Variants in FBN3 observed in about 807,000 individuals in gnomAD.
FBN3 encodes the protein fibrillin-3.
In FBN3, 234 loss-of-function variants were observed where a neutral mutation model predicts 330.1. The ratio of observed to expected loss-of-function variants is 0.71; its 90% CI spans 0.64 to 0.79. FBN3 has a LOEUF of 0.79. FBN3 is among the 30% of genes least tolerant of loss of function. FBN3 has a pLI of 0.00. For synonymous variants in FBN3, 1,458 were observed against 1,517.3 expected (o/e 0.96, Z 0.91); for missense variants, 3,606 against 3,886.9 (o/e 0.93, Z 1.92).
intron 14 of FBN3, 23 bp downstream of exon 14, chr19:8,132,961 G>A (rs910008944): frequency 6.5e-7 from 1 of 1,535,628 alleles, no homozygotes; most frequent in African/African-American, 1.4e-5. Context: ...CCCCTCCGCT[G>A]GCCAGTCTGG....
At chr19:8,136,555 A>G in intron 10 of FBN3, 24 bp from the exon 11 acceptor site, 4 of 1,612,972 alleles carry the variant, frequency 2.5e-6, no homozygotes, top group Non-Finnish European at 3.4e-6. Flanking sequence ...CGGCAGAGGC[A>G]TCTGAGCAGT....
intron 63 of FBN3, among the ~76,000 whole-genome samples, chr19:8,067,025 AAAT>A (rs1318853862): frequency 6.6e-6 from 1 of 151,846 alleles, no homozygotes; most frequent in African/African-American, 2.4e-5. Context: ...CAATCTAAAA[AAAT>A]AGGATGGGCA....
intron 4 of FBN3, 34 bp downstream of exon 4, chr19:8,146,093 T>C: frequency 6.4e-7 from 1 of 1,553,032 alleles, no homozygotes; most frequent in South Asian, 1.2e-5. Context: ...TGTGAACTTC[T>C]TCTCCCTCCC....
At chr19:8,087,575 G>A (rs2081991774) in intron 53 of FBN3, among the ~76,000 whole-genome samples, 1 of 151,678 alleles carries the variant, frequency 6.6e-6, no homozygotes, top group African/African-American at 2.4e-5. Flanking sequence ...TGCGGTGGGC[G>A]GCTGTTCTGT....
At chr19:8,135,936 G>GGGGGGGGGGCGGGGCCGGC in intron 13 of FBN3, 25 bp downstream of exon 13, 1 of 668,778 alleles carries the variant, frequency 1.5e-6, no homozygotes, top group African/African-American at 2.0e-5. Flanking sequence ...GGAAGCCCCT[G>GGGGGGGGGGCGGGGCCGGC]CCCACCCGCC....
At chr19:8,093,339 T>C (rs1244039132) in intron 47 of FBN3, among the ~76,000 whole-genome samples, 5 of 151,582 alleles carry the variant, frequency 3.3e-5, no homozygotes, top group African/African-American at 4.8e-5. Flanking sequence ...AATACAAAAA[T>C]TGGGCCTGGC....
chr19:8,122,373 T>C (rs1372958769), intron 24 of FBN3, among the ~76,000 whole-genome samples: 3 of 152,056 alleles, frequency 2.0e-5, no homozygotes, highest in African/African-American at 7.2e-5. Flanking sequence ...ATTTACTTAT[T>C]TATTTATATT....
In FBN3 at chr19:8,131,961, T is replaced by C; in HGVS notation, c.1715-132A>G. ...TTTCCAGTTTCTTGTCTTTCCAGTT[T>C]CCTGTTGTCTGTGTCTCTGTCCTCT... On this transcript the variant is annotated intron_variant, in intron 14 of 63. Coordinates refer to ENST00000600128, the MANE Select transcript of FBN3 (RefSeq NM_032447.5). The surrounding 1 kb of genome is among the most constrained non-coding windows in gnomAD (Gnocchi z 4.5). The C allele has an allele frequency of 9.2e-7, 1 of 1,083,522 alleles. No individual in the cohort carries two copies. Among genetic ancestry groups the C allele is most frequent in the Non-Finnish European group, 1.3e-6 (1 of 790,504 alleles). The allele number at this position is 1,083,522 out of a possible 1,614,324, so 67.1% of individuals were successfully genotyped here.
chr19:8,104,073 C>T (rs10424520), intron 38 of FBN3, among the ~76,000 whole-genome samples: 2 of 149,630 alleles, frequency 1.3e-5, no homozygotes, highest in East Asian at 2.0e-4. Flanking sequence ...TGCAGTGAGC[C>T]GTGATCACGC....
At position 8,065,893 on chromosome 19, in the gene FBN3, C is replaced by T; in HGVS notation, c.*26G>A. The T allele has an allele frequency of 1.3e-6, 2 of 1,519,470 alleles. No individual in the cohort carries two copies. The highest frequency in any genetic ancestry group is 1.8e-6 in the Non-Finnish European group (2 of 1,123,194). 94.1% of individuals were successfully genotyped at this position (1,519,470 alleles called of 1,614,324 possible). A position where few individuals can be genotyped will look rare whatever the true frequency, so the allele number is the denominator to read the frequency against. On this transcript the variant is annotated 3_prime_UTR_variant, in exon 64 of 64. Transcript: ENST00000600128. ...TCCAGAATCCCCCTTCTCTGGACAGCTGGGGCCCACTGAGGCTCCTCCCAA... is the reference window on the plus strand; with the variant it reads ...TCCAGAATCCCCCTTCTCTGGACAGTTGGGGCCCACTGAGGCTCCTCCCAA...
At chr19:8,137,434 C>A (rs901393872) in intron 10 of FBN3, among the ~76,000 whole-genome samples, 2 of 151,752 alleles carry the variant, frequency 1.3e-5, no homozygotes, top group African/African-American at 4.8e-5. Flanking sequence ...CAAAATGGAG[C>A]CTTAGATCCC....
At chr19:8,117,933 A>G (rs1209805885) in intron 26 of FBN3, among the ~76,000 whole-genome samples, 1 of 151,512 alleles carries the variant, frequency 6.6e-6, no homozygotes, top group Non-Finnish European at 1.5e-5. Flanking sequence ...TTCACAACAC[A>G]CCTTATATCC....
Position 8,131,753 on chromosome 19 carries a change from C to G in FBN3, c.1791G>C (p.Gln597His), listed in dbSNP as rs1045008569. The G allele has an allele frequency of 6.8e-6, 11 of 1,613,534 alleles. No homozygotes were observed. Among genetic ancestry groups the G allele is most frequent in the Non-Finnish European group, 9.3e-6 (11 of 1,179,780 alleles). ...TGCCTACCGCCAGCCCCCCCAGGCA[C>G]TGGCAGCGGAAGGAGCCCTCGGTGT... ...CTNTEGSFRC[Q>H]CLGGLAVGTD... The change falls in exon 15 of 64, where the codon CAG (glutamine) becomes CAC (histidine). Residue 597 changes from glutamine (Q) to histidine (H), a missense_variant. Coordinates refer to ENST00000600128, the MANE Select transcript of FBN3 (RefSeq NM_032447.5). This position sits in a 1 kb window ranked among gnomAD's most constrained non-coding sequence, Gnocchi z 4.5.
At chr19:8,069,639 G>T (rs779936750) in intron 63 of FBN3, among the ~76,000 whole-genome samples, 1 of 152,174 alleles carries the variant, frequency 6.6e-6, no homozygotes, top group Non-Finnish European at 1.5e-5. Context: ...AGGCTGGAGT[G>T]CAGAGGTGTG....
chr19:8,090,906 G>A (rs1194434049), intron 48 of FBN3, among the ~76,000 whole-genome samples: 1 of 152,146 alleles, frequency 6.6e-6, no homozygotes, highest in East Asian at 1.9e-4. Flanking sequence ...CCTTCCTGGA[G>A]AGGCAAAACG....
chr19:8,135,652 A>C (rs913007759), intron 13 of FBN3, among the ~76,000 whole-genome samples: 13 of 150,922 alleles, frequency 8.6e-5, no homozygotes, highest in Non-Finnish European at 1.8e-4. Context: ...CAACCTTTTC[A>C]GCTCAAGAGA....
chr19:8,116,634 C>A, intron 29 of FBN3, 40 bp downstream of exon 29: 2 of 1,582,438 alleles, frequency 1.3e-6, no homozygotes, highest in Non-Finnish European at 1.7e-6. Flanking sequence ...TCTGACACTG[C>A]CTCCTCCACC....
intron 63 of FBN3, among the ~76,000 whole-genome samples, chr19:8,069,018 T>A (rs1201730518): frequency 2.6e-5 from 4 of 152,034 alleles, no homozygotes; most frequent in African/African-American, 9.7e-5. Context: ...AGCCCTAAGG[T>A]CACTCAGAAA....
At chr19:8,082,363 CTTTT>C (rs1432821243) in intron 57 of FBN3, among the ~76,000 whole-genome samples, 3 of 122,928 alleles carry the variant, frequency 2.4e-5, no homozygotes, top group African/African-American at 1.1e-4. Context: ...CTCTCTCTTT[CTTTT>C]TTCTTTCTTT....
Sources: gnomAD v4.1 joint callset for allele counts (sites outside exome capture counted in the v4.1 genomes callset) on GRCh38, gnomAD v4.1.1 for gene constraint, Gnocchi (gnomAD v3.1) non-coding constraint, MANE v1.5 for transcripts, NCBI Gene and HGNC (gene_info 2026-07-23, HGNC 2026-07-21) for gene names.